The following MYBPC1 variants were observed in gnomAD, a reference collection of about 807,000 sequenced individuals.
The protein encoded by MYBPC1 is myosin-binding protein C, slow-type.
MYBPC1 carries 52 observed loss-of-function variants against 147.1 expected under a neutral mutation model. The ratio of observed to expected loss-of-function variants is 0.35; its 90% confidence interval spans 0.28 to 0.45. MYBPC1 has a LOEUF of 0.45. MYBPC1 is among the 20% of genes least tolerant of loss of function. The pLI is 1.00. For missense variants in MYBPC1, 1,228 were observed against 1,440.3 expected (o/e 0.85, Z 2.39); for synonymous variants, 477 against 475.9 (o/e 1.00, Z -0.03).
At chr12:101,636,879 AAG>A in intron 10 of MYBPC1, 151 bp downstream of exon 10, 1 of 673,416 alleles carries the variant, frequency 1.5e-6, no homozygotes, top group Non-Finnish European at 2.6e-6. Context: ...GTTGACTAGA[AAG>A]AGAGAAACAA....
rs1367996347 is a variant in MYBPC1, at chr12:101,631,503, C to T, written c.290-68C>T. On this transcript the variant is annotated intron_variant, in intron 6 of 31. Coordinates refer to ENST00000361466, the MANE Select transcript of MYBPC1 (RefSeq NM_002465.4). ...CTGTAGTGCAGTCCCATGTCAACTC[C>T]TTCCAGTTGAAAGCAAAACAAATGA... 25 of 1,542,788 alleles carry T rather than the reference C, an allele frequency of 1.6e-5. No individual in the cohort carries two copies. In the Admixed American group the frequency reaches 3.5e-4, roughly 22 times the overall value.
Position 101,642,487 on chromosome 12 carries a change from G to T in MYBPC1, c.734G>T (p.Ser245Ile), listed in dbSNP as rs1274004448. The change falls in exon 11 of 32, where the codon AGT (serine) becomes ATT (isoleucine). Residue 245 changes from serine (S) to isoleucine (I), a missense_variant. Coordinates refer to ENST00000361466, the MANE Select transcript of MYBPC1 (RefSeq NM_002465.4). Reference sequence around the variant, plus strand: ...GAGTTGCTGAAGAACGCGAAACCCAGTGAGTACGAGAAGATCGCCTTCCAG... The same window carrying T: ...GAGTTGCTGAAGAACGCGAAACCCATTGAGTACGAGAAGATCGCCTTCCAG... ...VWELLKNAKP[S>I]EYEKIAFQYG... The T allele has an allele frequency of 2.5e-6, 4 of 1,614,092 alleles. No homozygotes were observed. In the South Asian group the frequency reaches 4.4e-5, roughly 18 times the overall value.
At chr12:101,695,759 A>G in the MYBPC1 span, among the ~76,000 whole-genome samples, 2 of 152,190 alleles carry the variant, frequency 1.3e-5, no homozygotes, top group East Asian at 3.8e-4. Context: ...CCTGATGACC[A>G]TGGAAACATC....
At chr12:101,691,926 G>T in the MYBPC1 span, among the ~76,000 whole-genome samples, 1 of 152,350 alleles carries the variant, frequency 6.6e-6, no homozygotes, top group Non-Finnish European at 1.5e-5. Context: ...GCATTACAAG[G>T]TACAAAGTGC....
chr12:101,666,803 G>C, intron 22 of MYBPC1: 2 of 1,610,162 alleles, frequency 1.2e-6, no homozygotes. Context: ...GCCAGGTAAA[G>C]TATTCCGTGA....
At chr12:101,652,568 T>C (rs1320569543) in intron 16 of MYBPC1, 110 bp from the exon 17 acceptor site, 25 of 754,244 alleles carry the variant, frequency 3.3e-5, no homozygotes, top group Non-Finnish European at 5.8e-5. Flanking sequence ...CTCCCTCTCT[T>C]TCCTGCACTA....
At chr12:101,645,096 T>C (rs1422680019) in intron 12 of MYBPC1, among the ~76,000 whole-genome samples, 1 of 152,200 alleles carries the variant, frequency 6.6e-6, no homozygotes, top group South Asian at 2.1e-4. Context: ...CTCCCAATTT[T>C]AAAAAATAAA....
rs554187384 is a variant in MYBPC1, at chr12:101,685,592, C to T, written c.*30C>T. On this transcript the variant is annotated 3_prime_UTR_variant, in exon 32 of 32. Coordinates refer to ENST00000361466, the MANE Select transcript of MYBPC1 (RefSeq NM_002465.4). ...TTTGGTCCTCTCTAGGTGGGCTCTC[C>T]TTCTGCAGACTCCTCTTGCAAGGCG... 72 of 1,531,994 alleles carry T rather than the reference C, an allele frequency of 4.7e-5. No homozygotes were observed. The highest frequency in any genetic ancestry group is 6.0e-5 in the South Asian group (5 of 83,928). The allele number at this position is 1,531,994 out of a possible 1,614,324, so 94.9% of individuals were successfully genotyped here.
chr12:101,673,994 A>C (rs1899290000), intron 25 of MYBPC1, among the ~76,000 whole-genome samples: 3 of 152,176 alleles, frequency 2.0e-5, no homozygotes, highest in Admixed American at 2.0e-4. Flanking sequence ...TGGAAGTTGC[A>C]GTGAGCTGAG....
intron 5 of MYBPC1, among the ~76,000 whole-genome samples, chr12:101,628,806 C>T (rs749762488): frequency 6.6e-6 from 1 of 152,160 alleles, no homozygotes; most frequent in Non-Finnish European, 1.5e-5. Flanking sequence ...TTCTCTGTTT[C>T]GTTTTGCTTT....
At chr12:101,688,043 T>C (rs1335694343), downstream of MYBPC1, among the ~76,000 whole-genome samples, 2 of 152,246 alleles carry the variant, frequency 1.3e-5, no homozygotes, top group East Asian at 1.9e-4. Flanking sequence ...GGTTTTTCTA[T>C]AATTTTGTTT....
the MYBPC1 span, among the ~76,000 whole-genome samples, chr12:101,694,574 CTCTG>C: frequency 6.6e-6 from 1 of 152,216 alleles, no homozygotes; most frequent in Non-Finnish European, 1.5e-5. Flanking sequence ...CTCTTTCTCT[CTCTG>C]TCTGTCATGT....
chr12:101,657,903 CATT>C (rs1269085598), intron 18 of MYBPC1, among the ~76,000 whole-genome samples: 3 of 152,086 alleles, frequency 2.0e-5, no homozygotes, highest in African/African-American at 7.2e-5. Context: ...TCTAATGAAA[CATT>C]AGCCACGAGG....
intron 18 of MYBPC1, among the ~76,000 whole-genome samples, chr12:101,654,669 G>A (rs80087033): frequency 0.15 from 22,533 of 152,152 alleles, 1,807 homozygotes; most frequent in East Asian, 0.3. Flanking sequence ...GCACATTTAT[G>A]AGGAAACTAC....
chr12:101,635,475 GA>G (rs149664543), intron 9 of MYBPC1, among the ~76,000 whole-genome samples: 6,029 of 152,074 alleles, frequency 0.04, 194 homozygotes, highest in South Asian at 0.14. Flanking sequence ...TAATTACTTT[GA>G]AAAGTTATTT....
Position 101,682,622 on chromosome 12 carries a change from A to G in MYBPC1, c.3452A>G (p.Asn1151Ser). Reference protein sequence around the residue: ...LEVKVIYQGVNTPGQPVFLEG... With the variant: ...LEVKVIYQGVSTPGQPVFLEG... Reference sequence around the variant, plus strand: ...TCTGCAGTGATATATCAAGGAGTAAATACCCCTGGACAACCAGTCTTCCTG... The same window carrying G: ...TCTGCAGTGATATATCAAGGAGTAAGTACCCCTGGACAACCAGTCTTCCTG... Residue 1151 changes from asparagine (N) to serine (S), a missense_variant, in exon 30 of 32, where the codon AAT becomes AGT. Physicochemically the swap from Asn to Ser is conservative, Grantham distance 46 (BLOSUM62 1). Transcript: ENST00000361466. 1 of 1,613,134 alleles carries G rather than the reference A, an allele frequency of 6.2e-7. No individual in the cohort carries two copies. The highest frequency in any genetic ancestry group is 1.1e-5 in the South Asian group (1 of 91,042).
Position 101,675,141 on chromosome 12 carries a change from G to A in MYBPC1, c.2810-151G>A, listed in dbSNP as rs1008596268. ...CTGGCCTGGCTCCATACTACTGGAA[G>A]GCAAAGGGTCTCAGAAGCCCCCATG... is the stretch of plus-strand genomic sequence containing the variant. On this transcript the variant is annotated intron_variant, in intron 25 of 31. Coordinates refer to ENST00000361466, the MANE Select transcript of MYBPC1 (RefSeq NM_002465.4). The A allele has an allele frequency of 3.9e-6, 4 of 1,015,776 alleles. No homozygotes were observed. The African/African-American group carries it at 4.8e-5, about 12-fold the overall frequency. The allele number at this position is 1,015,776 out of a possible 1,614,324, so 62.9% of individuals were successfully genotyped here. A position where few individuals can be genotyped will look rare whatever the true frequency, so the allele number is the denominator to read the frequency against.
At chr12:101,651,808 C>T (rs1894520994) in intron 16 of MYBPC1, among the ~76,000 whole-genome samples, 1 of 152,074 alleles carries the variant, frequency 6.6e-6, no homozygotes, top group Non-Finnish European at 1.5e-5. Context: ...GGCGTGGTGG[C>T]ATGCACCTGT....
chr12:101,637,030 C>A, intron 10 of MYBPC1: 1 of 401,330 alleles, frequency 2.5e-6, no homozygotes, highest in Non-Finnish European at 4.6e-6. Context: ...ACCTAGAAAC[C>A]TCTAAGACTG....
Sources: allele counts gnomAD v4.1 joint callset (sites outside exome capture counted in the v4.1 genomes callset), GRCh38; gene constraint gnomAD v4.1.1; transcripts MANE v1.5; gene names NCBI Gene and HGNC (gene_info 2026-07-23, HGNC 2026-07-21).